CLSTN2: variants seen among roughly 807,000 people sequenced by gnomAD.
The protein encoded by CLSTN2 is calsyntenin-2.
A neutral mutation model predicts 101.2 loss-of-function variants in CLSTN2; 48 were observed. The observed-to-expected ratio is 0.47, with a 90% CI of 0.38 to 0.60. The LOEUF (loss-of-function observed/expected upper bound fraction) is 0.60, where lower values mean the gene tolerates loss of function less well. CLSTN2 is among the 20% of genes least tolerant of loss of function. The probability of loss-of-function intolerance (pLI) is 0.00; values close to 1 mark genes in which losing one functional copy is unlikely to be tolerated. For missense variants in CLSTN2, 1,160 were observed against 1,238.2 expected (o/e 0.94, Z 0.95); for synonymous variants, 481 against 463.6 (o/e 1.04, Z -0.48).
chr3:140,149,682 C>G (rs1231509438), intron 1 of CLSTN2, among the ~76,000 whole-genome samples: 1 of 152,152 alleles, frequency 6.6e-6, no homozygotes, highest in Non-Finnish European at 1.5e-5. Flanking sequence ...TGGTCTTGAT[C>G]TCTTGACCTT....
intron 4 of CLSTN2, among the ~76,000 whole-genome samples, chr3:140,414,363 T>C (rs574793584): frequency 6.6e-6 from 1 of 152,184 alleles, no homozygotes; most frequent in South Asian, 2.1e-4. Flanking sequence ...CAGAAAACTA[T>C]AAAACATTGA....
chr3:140,109,853 CA>C (rs148841338), intron 1 of CLSTN2, among the ~76,000 whole-genome samples: 124 of 152,226 alleles, frequency 8.1e-4, no homozygotes, highest in African/African-American at 2.9e-3. Flanking sequence ...TTGCAATTAA[CA>C]TCCAAGTGAC....
chr3:140,417,791 C>T (rs573855716), intron 4 of CLSTN2, among the ~76,000 whole-genome samples: 9 of 152,296 alleles, frequency 5.9e-5, no homozygotes, highest in Non-Finnish European at 1.0e-4. Context: ...AAATGTGTAT[C>T]TTATTGAAAT....
intron 12 of CLSTN2, among the ~76,000 whole-genome samples, chr3:140,560,727 G>A (rs1431185013): frequency 3.3e-5 from 5 of 152,120 alleles, no homozygotes; most frequent in Non-Finnish European, 7.3e-5. Flanking sequence ...AATGGCAGCC[G>A]TGACACACTC....
intron 1 of CLSTN2, among the ~76,000 whole-genome samples, chr3:140,150,992 A>G (rs567372885): frequency 2.0e-4 from 31 of 151,918 alleles, no homozygotes; most frequent in Non-Finnish European, 3.5e-4. Flanking sequence ...AGGGCTCCTT[A>G]TGGTTTTATC....
chr3:140,503,414 A>G (rs1405350879), intron 8 of CLSTN2, among the ~76,000 whole-genome samples: 1 of 152,242 alleles, frequency 6.6e-6, no homozygotes, highest in African/African-American at 2.4e-5. Context: ...TATTTGGTAC[A>G]GTAACATCCT....
At chr3:140,565,934 C>A in intron 16 of CLSTN2, 119 bp from the exon 17 acceptor site, 1 of 1,282,916 alleles carries the variant, frequency 7.8e-7, no homozygotes, top group Non-Finnish European at 1.1e-6. Flanking sequence ...GAGTTTTGCA[C>A]TAAAAGAAGA....
chr3:139,977,105 G>A (rs1421856785), intron 1 of CLSTN2, among the ~76,000 whole-genome samples: 1 of 152,154 alleles, frequency 6.6e-6, no homozygotes, highest in Non-Finnish European at 1.5e-5. Flanking sequence ...GCCAGTGCTA[G>A]CATTTGATTT....
intron 1 of CLSTN2, among the ~76,000 whole-genome samples, chr3:140,066,008 G>A (rs1270216034): frequency 6.6e-6 from 1 of 152,178 alleles, no homozygotes; most frequent in Admixed American, 6.5e-5. Context: ...ACTGATTGAT[G>A]GGCAGATATT....
chr3:140,276,784 A>G (rs962223274), intron 2 of CLSTN2, among the ~76,000 whole-genome samples: 1 of 152,228 alleles, frequency 6.6e-6, no homozygotes, highest in Non-Finnish European at 1.5e-5. Context: ...TAGAACGTGT[A>G]TCAAAGGATG....
intron 8 of CLSTN2, among the ~76,000 whole-genome samples, chr3:140,526,614 C>G (rs1415163648): frequency 6.8e-6 from 1 of 146,642 alleles, no homozygotes; most frequent in Non-Finnish European, 1.5e-5. Flanking sequence ...AAAACAACCA[C>G]AGCAATACTG....
chr3:140,074,119 T>A (rs540360728), intron 1 of CLSTN2, among the ~76,000 whole-genome samples: 1 of 152,354 alleles, frequency 6.6e-6, no homozygotes, highest in Admixed American at 6.5e-5. Context: ...ATCAAAGCTA[T>A]AGCTTGCTGT....
At chr3:140,372,576 C>T (rs1171781157) in intron 2 of CLSTN2, among the ~76,000 whole-genome samples, 1 of 152,130 alleles carries the variant, frequency 6.6e-6, no homozygotes. Flanking sequence ...ATTCTGGTCT[C>T]AAGGCAAGTA....
At chr3:140,416,541 G>A (rs1019845597) in intron 4 of CLSTN2, among the ~76,000 whole-genome samples, 1 of 152,158 alleles carries the variant, frequency 6.6e-6, no homozygotes, top group East Asian at 1.9e-4. Flanking sequence ...CATAAAGCTG[G>A]AAAAAAATCC....
intron 6 of CLSTN2, among the ~76,000 whole-genome samples, chr3:140,457,698 C>A (rs1420905912): frequency 1.3e-5 from 2 of 152,166 alleles, no homozygotes; most frequent in Non-Finnish European, 2.9e-5. Flanking sequence ...TGGATGGACC[C>A]ACCTAAGCAT....
intron 1 of CLSTN2, among the ~76,000 whole-genome samples, chr3:139,982,769 A>G (rs1250988475): frequency 6.6e-6 from 1 of 152,190 alleles, no homozygotes; most frequent in Non-Finnish European, 1.5e-5. Context: ...GAATAGAGAA[A>G]AATCATTATA....
At chr3:140,247,976 T>C (rs1291570103) in intron 2 of CLSTN2, among the ~76,000 whole-genome samples, 1 of 152,140 alleles carries the variant, frequency 6.6e-6, no homozygotes, top group Non-Finnish European at 1.5e-5. Context: ...TTTTAAAAGC[T>C]CCCAGGGTTG....
intron 2 of CLSTN2, among the ~76,000 whole-genome samples, chr3:140,259,515 G>A (rs2086632204): frequency 6.6e-6 from 1 of 152,068 alleles, no homozygotes; most frequent in East Asian, 1.9e-4. Context: ...CATATTTAAA[G>A]TATGCAATTT....
At chr3:140,073,256 G>A (rs1287613586) in intron 1 of CLSTN2, among the ~76,000 whole-genome samples, 1 of 152,118 alleles carries the variant, frequency 6.6e-6, no homozygotes, top group East Asian at 1.9e-4. Context: ...TAGACGAGTG[G>A]GAAGAAAGAA....
Sources: gnomAD v4.1 joint callset for allele counts (sites outside exome capture counted in the v4.1 genomes callset) on GRCh38, gnomAD v4.1.1 for gene constraint, MANE v1.5 for transcripts, NCBI Gene and HGNC (gene_info 2026-07-23, HGNC 2026-07-21) for gene names.